The following CBX5 variants were observed in gnomAD, a reference collection of about 807,000 sequenced individuals.
CBX5 encodes chromobox 5, also known as chromobox protein homolog 5.
A neutral mutation model predicts 20.7 loss-of-function variants in CBX5; 7 were observed. That is an observed-to-expected ratio of 0.34 (90% CI 0.19 to 0.63). CBX5 has a LOEUF of 0.63. CBX5 is among the 30% of genes least tolerant of loss of function. The probability of loss-of-function intolerance (pLI) is 0.75; values close to 1 mark genes in which losing one functional copy is unlikely to be tolerated. For synonymous variants in CBX5, 78 were observed against 77.0 expected, an observed-to-expected ratio of 1.01 and a Z score of -0.07; for missense variants, 110 against 224.1, an observed-to-expected ratio of 0.49 and a Z score of 3.25.
chr12:54,276,141 TATA>T (rs1294008194), intron 1 of CBX5, among the ~76,000 whole-genome samples: 2 of 152,188 alleles, frequency 1.3e-5, no homozygotes, highest in Admixed American at 6.5e-5. Context: ...GTTTGGCTCC[TATA>T]ATCTTTCAAA....
chr12:54,266,737 T>C lies in CBX5; in HGVS notation c.-42-9045A>G, dbSNP rs186890282. On this transcript the variant is annotated intron_variant, in intron 1 of 4. Transcript: ENST00000209875. ...TATCAGTCTGGTAAACTGGTGTATT[T>C]AGCAATAACACAAAAATTCTTGCTT... Among the ~76,000 whole-genome samples, 6 of 152,364 alleles carry C rather than the reference T, an allele frequency of 3.9e-5. No individual in the cohort carries two copies. The East Asian group carries it at 1.2e-3, about 29-fold the overall frequency.
intron 1 of CBX5, among the ~76,000 whole-genome samples, chr12:54,275,207 C>T (rs902719970): frequency 6.6e-6 from 1 of 152,056 alleles, no homozygotes; most frequent in Non-Finnish European, 1.5e-5. Context: ...TAGTAAACAC[C>T]CCTTTTAGAT....
At chr12:54,249,753 CTACT>C (rs1404826635) in intron 3 of CBX5, among the ~76,000 whole-genome samples, 7 of 152,066 alleles carry the variant, frequency 4.6e-5, no homozygotes, top group Non-Finnish European at 1.0e-4. Flanking sequence ...AGTGCTTATG[CTACT>C]TACTTGAGAG....
intron 1 of CBX5, among the ~76,000 whole-genome samples, chr12:54,268,682 C>A (rs144233623): frequency 6.6e-6 from 1 of 152,238 alleles, no homozygotes; most frequent in African/African-American, 2.4e-5. Context: ...AATTTTAAGG[C>A]GAGGATTTTT....
At chr12:54,275,530 T>C (rs539141926) in intron 1 of CBX5, among the ~76,000 whole-genome samples, 1 of 151,734 alleles carries the variant, frequency 6.6e-6, no homozygotes, top group Non-Finnish European at 1.5e-5. Context: ...CATAAGCCAC[T>C]GCGCCCAGGC....
chr12:54,279,436 A>G (rs543026717), intron 1 of CBX5, among the ~76,000 whole-genome samples: 5 of 152,286 alleles, frequency 3.3e-5, no homozygotes, highest in African/African-American at 1.2e-4. Flanking sequence ...AGGCTTCGTT[A>G]GAGAAGTCAT....
chr12:54,245,457 G>A (rs997926456), intron 4 of CBX5, among the ~76,000 whole-genome samples: 2 of 152,002 alleles, frequency 1.3e-5, no homozygotes, highest in Non-Finnish European at 2.9e-5. Flanking sequence ...AGGAGTTCAA[G>A]ACCAGCCTGG....
At position 54,234,142 on chromosome 12, in the gene CBX5, G is replaced by A. The variant is rs1223721288; in HGVS notation, c.*7613C>T. 1.7e-5 allele frequency: 2 copies of A among 120,440 alleles called. No homozygotes were observed. Among genetic ancestry groups the A allele is most frequent in the Non-Finnish European group, 3.1e-5 (2 of 63,608 alleles). 7.5% of individuals were successfully genotyped at this position (120,440 alleles called of 1,614,324 possible). A position where few individuals can be genotyped will look rare whatever the true frequency, so the allele number is the denominator to read the frequency against. The stretch of plus-strand genomic sequence containing the variant: ...TGCAGTGAGCCAAGATCACGCCACT[G>A]CACTCCAGCCTGGGCAAAAGAGCAA... On this transcript the variant is annotated 3_prime_UTR_variant, in exon 5 of 5. Coordinates refer to ENST00000209875, the MANE Select transcript of CBX5 (RefSeq NM_012117.3).
intron 4 of CBX5, among the ~76,000 whole-genome samples, chr12:54,244,677 G>A (rs141843878): frequency 2.0e-5 from 3 of 151,992 alleles, no homozygotes; most frequent in African/African-American, 4.8e-5. Context: ...GGCAGAGATT[G>A]CAGTGAGCCA....
Position 54,246,138 on chromosome 12 carries a change from A to G in CBX5, c.402T>C (p.Gly134=). The G allele has an allele frequency of 6.2e-7, 1 of 1,613,006 alleles. No homozygotes were observed. The highest frequency in any genetic ancestry group is 8.5e-7 in the Non-Finnish European group (1 of 1,179,014). ...ACCATTTCATTAGGAACATTAAATC[A>G]CCACAGGAATCTGTTGCCCCAATGA... ...EKIIGATDSC[G]DLMFLMKWKD... The change falls in exon 4 of 5, where the codon GGT becomes GGC. Residue 134 remains glycine, a synonymous_variant. Transcript: ENST00000209875.
At chr12:54,272,334 A>G (rs988455586) in intron 1 of CBX5, 4 of 152,270 alleles carry the variant, frequency 2.6e-5, no homozygotes, top group African/African-American at 9.6e-5. Flanking sequence ...TCTCAAGCTC[A>G]TGGCTTTATC....
In CBX5 at chr12:54,257,616, G is replaced by T. The variant is rs1943874179; in HGVS notation, c.35C>A (p.Ser12Tyr). Reference protein sequence around the residue: ...GKKTKRTADSSSSEDEEEYVV... With the variant: ...GKKTKRTADSYSSEDEEEYVV... ...ATACTCCTCCTCATCCTCTGAAGAA[G>T]AACTGTCAGCTGTCCGCTTGGTTTT... Residue 12 changes from serine (S) to tyrosine (Y), a missense_variant, in exon 2 of 5, where the codon TCT (serine) becomes TAT (tyrosine). Ser to Tyr is a moderately radical substitution (Grantham distance 144). Coordinates refer to ENST00000209875, the MANE Select transcript of CBX5 (RefSeq NM_012117.3). 1 of 1,614,112 alleles carries T rather than the reference G, an allele frequency of 6.2e-7. No individual in the cohort carries two copies. Among genetic ancestry groups the T allele is most frequent in the African/African-American group, 1.3e-5 (1 of 74,944 alleles).
chr12:54,249,429 A>ATTT (rs200474259), intron 3 of CBX5, among the ~76,000 whole-genome samples: 1 of 142,638 alleles, frequency 7.0e-6, no homozygotes, highest in African/African-American at 2.6e-5. Context: ...GGCACTGGAG[A>ATTT]TTTTTTTTTT....
rs1011386851 is a variant in CBX5, at chr12:54,236,930, C to T, written c.*4825G>A. ...CCTTCCCCAATGCCCTGTGGTTTGG[C>T]CTGAACATAGGGAAAATGGACTGCT... On this transcript the variant is annotated 3_prime_UTR_variant, in exon 5 of 5. Transcript: ENST00000209875. 12 of 152,108 alleles carry T rather than the reference C, an allele frequency of 7.9e-5. No homozygotes were observed. Among genetic ancestry groups the T allele is most frequent in the African/African-American group, 2.7e-4 (11 of 41,404 alleles). 9.4% of individuals were successfully genotyped at this position (152,108 alleles called of 1,614,324 possible).
chr12:54,251,443 C>T (rs1338012921), intron 3 of CBX5, among the ~76,000 whole-genome samples: 6 of 150,190 alleles, frequency 4.0e-5, no homozygotes, highest in Admixed American at 6.7e-5. Flanking sequence ...GGCGTGAACC[C>T]GGGAGGCAGA....
chr12:54,257,720 G>C lies in CBX5; in HGVS notation c.-42-28C>G, dbSNP rs1943875915. 1.9e-6 allele frequency: 3 copies of C among 1,570,456 alleles called. No individual in the cohort carries two copies. In the Admixed American group the frequency reaches 5.3e-5, roughly 28 times the overall value. The stretch of plus-strand genomic sequence containing the variant: ...GCAAAGGCAAAGGACAAAATGGTTA[G>C]AATCCATGTGAGGAGTTAAAAACTT... On this transcript the variant is annotated intron_variant, in intron 1 of 4. Coordinates refer to ENST00000209875, the MANE Select transcript of CBX5 (RefSeq NM_012117.3).
intron 1 of CBX5, among the ~76,000 whole-genome samples, chr12:54,266,893 A>G (rs964621402): frequency 6.6e-6 from 1 of 152,236 alleles, no homozygotes; most frequent in Non-Finnish European, 1.5e-5. Context: ...CTATTAAAAA[A>G]AAGTATCAGT....
At chr12:54,245,051 G>T (rs1484843709) in intron 4 of CBX5, among the ~76,000 whole-genome samples, 1 of 150,692 alleles carries the variant, frequency 6.6e-6, no homozygotes, top group Non-Finnish European at 1.5e-5. Context: ...TTGCTCTGTC[G>T]TTCAGGCAGG....
chr12:54,275,402 C>T (rs540403505), intron 1 of CBX5, among the ~76,000 whole-genome samples: 11 of 151,984 alleles, frequency 7.2e-5, no homozygotes, highest in Non-Finnish European at 7.4e-5. Flanking sequence ...CCACCACGCC[C>T]GGCTAATTTT....
Sources: gnomAD v4.1 joint callset for allele counts (sites outside exome capture counted in the v4.1 genomes callset) on GRCh38, gnomAD v4.1.1 for gene constraint, MANE v1.5 for transcripts, NCBI Gene and HGNC (gene_info 2026-07-23, HGNC 2026-07-21) for gene names.